Variants in VPS45 observed in about 807,000 individuals in gnomAD.
VPS45 encodes vacuolar protein sorting-associated protein 45.
Under a neutral mutation model 75.9 loss-of-function variants are expected in VPS45, and 35 were observed. The observed-to-expected ratio is 0.46, with a 90% confidence interval of 0.35 to 0.61. VPS45 has a LOEUF of 0.61. Ranked by LOEUF, VPS45 falls within the 20% of genes least tolerant of loss-of-function variation. The pLI is 0.00. For missense variants in VPS45, 559 were observed against 685.9 expected (o/e 0.81, Z 2.07); for synonymous variants, 220 against 238.2 (o/e 0.92, Z 0.70).
chr1:150,113,180 A>G (rs1253869918), intron 14 of VPS45, among the ~76,000 whole-genome samples: 1 of 152,144 alleles, frequency 6.6e-6, no homozygotes, highest in Non-Finnish European at 1.5e-5. Context: ...TCCGGCAACT[A>G]GCCCTCATCC....
intron 14 of VPS45, among the ~76,000 whole-genome samples, chr1:150,118,301 G>C (rs1249639967): frequency 1.4e-5 from 2 of 147,200 alleles, no homozygotes; most frequent in Non-Finnish European, 3.0e-5. Flanking sequence ...AAAAAAAAAA[G>C]GTACTATGAA....
At chr1:150,122,323 A>G (rs977339624) in intron 14 of VPS45, among the ~76,000 whole-genome samples, 2 of 152,042 alleles carry the variant, frequency 1.3e-5, no homozygotes, top group Non-Finnish European at 2.9e-5. Flanking sequence ...GTGTGCAAAG[A>G]CTTAAAGGAG....
intron 14 of VPS45, among the ~76,000 whole-genome samples, chr1:150,132,938 C>T (rs797029231): frequency 1.3e-5 from 2 of 152,154 alleles, no homozygotes; most frequent in African/African-American, 4.8e-5. Flanking sequence ...ATGGATGTTA[C>T]CTGCTGTTGC....
chr1:150,111,733 A>T (rs1657661189), intron 14 of VPS45, among the ~76,000 whole-genome samples: 1 of 152,190 alleles, frequency 6.6e-6, no homozygotes, highest in African/African-American at 2.4e-5. Flanking sequence ...TTATTATGGA[A>T]GTAATATATG....
In VPS45 at chr1:150,142,858, C is replaced by T. The variant is rs782139314; in HGVS notation, c.1626-1851C>T. On this transcript the variant is annotated intron_variant, in intron 14 of 14. Transcript: ENST00000644510. ...TATAGAGATGGGGTTTCACTATGTT[C>T]CCCTGCCTGGTTTCGAACTCCTGGG... 3.3e-5 allele frequency: 15 copies of T among 451,098 alleles called. 1 individual carries two copies. Among genetic ancestry groups the T allele is most frequent in the South Asian group, 2.3e-4 (15 of 63,932 alleles). The allele number at this position is 451,098 out of a possible 1,614,324, so 27.9% of individuals were successfully genotyped here.
intron 7 of VPS45, among the ~76,000 whole-genome samples, chr1:150,079,455 G>C (rs1387418975): frequency 3.3e-5 from 5 of 152,050 alleles, no homozygotes; most frequent in African/African-American, 7.2e-5. Flanking sequence ...CTGTCACCCA[G>C]ATTGGCGTGA....
Position 150,068,682 on chromosome 1 carries a change from T to C in VPS45, c.146T>C (p.Val49Ala), listed in dbSNP as rs372815605. The C allele has an allele frequency of 1.1e-5, 17 of 1,613,048 alleles. No individual in the cohort carries two copies. Among genetic ancestry groups the C allele is most frequent in the Non-Finnish European group, 1.2e-5 (14 of 1,179,578 alleles). ...CAATCGGAGATTCTACAGAAGGAAG[T>C]GTACCTCTTTGAACGCATTGATTCT... The part of the protein sequence containing the change: ...YTQSEILQKE[V>A]YLFERIDSQN... The change falls in exon 2 of 15, where the codon GTG becomes GCG. Residue 49 changes from valine (V) to alanine (A), a missense_variant. By Grantham distance (64) the Val-to-Ala change is moderately conservative. Transcript: ENST00000644510.
At chr1:150,142,854 T>C in intron 14 of VPS45, 1 of 451,684 alleles carries the variant, frequency 2.2e-6, no homozygotes, top group Non-Finnish European at 4.4e-6. Flanking sequence ...GGTTTCACTA[T>C]GTTCCCCTGC....
intron 6 of VPS45, 38 bp downstream of exon 6, chr1:150,077,269 G>A: frequency 1.3e-6 from 2 of 1,589,512 alleles, no homozygotes; most frequent in Non-Finnish European, 1.7e-6. Flanking sequence ...AAACATAAAG[G>A]CCATTCATTT....
At chr1:150,068,073 A>G in intron 1 of VPS45, 123 bp downstream of exon 1, 1 of 1,043,268 alleles carries the variant, frequency 9.6e-7, no homozygotes, top group South Asian at 1.6e-5. Context: ...GTTTGTGTGG[A>G]ATTGAAAAGT....
intron 14 of VPS45, among the ~76,000 whole-genome samples, chr1:150,117,069 C>T (rs893200683): frequency 2.0e-5 from 3 of 152,014 alleles, no homozygotes; most frequent in Non-Finnish European, 2.9e-5. Context: ...GGCGTGGTGG[C>T]GTGCACCTGT....
chr1:150,112,389 C>A (rs1390317312), intron 14 of VPS45, among the ~76,000 whole-genome samples: 1 of 152,106 alleles, frequency 6.6e-6, no homozygotes, highest in Non-Finnish European at 1.5e-5. Flanking sequence ...TATATAAATA[C>A]TAAGATGCAT....
At chr1:150,067,666 C>A (rs587720245), upstream of VPS45, 33 of 547,896 alleles carry the variant, frequency 6.0e-5, no homozygotes, top group South Asian at 8.5e-4. Flanking sequence ...CCGGATTTTT[C>A]CATCCCCGGG....
At chr1:150,098,418 T>G (rs1010020688) in intron 13 of VPS45, among the ~76,000 whole-genome samples, 1 of 152,224 alleles carries the variant, frequency 6.6e-6, no homozygotes, top group East Asian at 1.9e-4. Context: ...AGTTGGAAAA[T>G]TTAAACCAGA....
At chr1:150,138,470 G>A (rs781929428) in intron 14 of VPS45, among the ~76,000 whole-genome samples, 4 of 151,974 alleles carry the variant, frequency 2.6e-5, no homozygotes, top group African/African-American at 9.7e-5. Flanking sequence ...TGTATGTCTC[G>A]ACTACTAACT....
chr1:150,113,160 G>A (rs1657738011), intron 14 of VPS45, among the ~76,000 whole-genome samples: 1 of 151,936 alleles, frequency 6.6e-6, no homozygotes. Context: ...TCTTATTAAG[G>A]CTTGGCCTTT....
chr1:150,076,261 C>T lies in VPS45; in HGVS notation c.318C>T (p.Asp106=), dbSNP rs150076399. 1.7e-4 allele frequency: 281 copies of T among 1,607,808 alleles called. No individual in the cohort carries two copies. The African/African-American group carries it at 3.1e-3, about 18-fold the overall frequency. The part of the protein sequence containing the change: ...IYFSNVISKS[D]VKSLAEADEQ... ...TCAGTAATGTGATCAGCAAGAGTGA[C>T]GTGAAGTCATTGGCTGAAGCTGATG... Residue 106 remains aspartate, a synonymous_variant, in exon 4 of 15, where the codon GAC becomes GAT. Transcript: ENST00000644510.
chr1:150,120,804 G>A (rs1472271207), intron 14 of VPS45, among the ~76,000 whole-genome samples: 3 of 150,030 alleles, frequency 2.0e-5, no homozygotes, highest in Non-Finnish European at 4.4e-5. Context: ...TAGAAGGCAT[G>A]TATTTGCTGC....
At position 150,072,211 on chromosome 1, in the gene VPS45, A is replaced by G. The variant is rs954537216; in HGVS notation, c.274A>G (p.Thr92Ala). The G allele has an allele frequency of 3.1e-6, 5 of 1,601,582 alleles. No individual in the cohort carries two copies. In the African/African-American group the frequency reaches 4.0e-5, roughly 13 times the overall value. ...TCAGGAGCTCCGAAGACCCAAATAC[A>G]CTATATATTTCATTTGTAAGTATGT... Reference protein sequence around the residue: ...IIQELRRPKYTIYFIYFSNVI... With the variant: ...IIQELRRPKYAIYFIYFSNVI... The change falls in exon 3 of 15, where the codon ACT becomes GCT. Residue 92 changes from threonine (T) to alanine (A), a missense_variant. Physicochemically the swap from Thr to Ala is moderately conservative, Grantham distance 58. Transcript: ENST00000644510.
Sources: allele counts gnomAD v4.1 joint callset (sites outside exome capture counted in the v4.1 genomes callset), GRCh38; gene constraint gnomAD v4.1.1; transcripts MANE v1.5; gene names NCBI Gene and HGNC (gene_info 2026-07-23, HGNC 2026-07-21).